PCDHGB4: variants seen among roughly 807,000 people sequenced by gnomAD.
The protein encoded by PCDHGB4 is protocadherin gamma subfamily B, 4.
In PCDHGB4, 38 loss-of-function variants were observed where a neutral mutation model predicts 60.5. The observed-to-expected ratio is 0.63, with a 90% CI of 0.48 to 0.82. The LOEUF (loss-of-function observed/expected upper bound fraction) is 0.82, where lower values mean the gene tolerates loss of function less well. Among genes scored for constraint, PCDHGB4 ranks in the 40% least tolerant of loss-of-function variants. The probability of loss-of-function intolerance (pLI) is 0.00; values close to 1 mark genes in which losing one functional copy is unlikely to be tolerated. For synonymous variants in PCDHGB4, 456 were observed against 509.7 expected, an observed-to-expected ratio of 0.89 and a Z score of 1.42; for missense variants, 1,109 against 1,209.6, an observed-to-expected ratio of 0.92 and a Z score of 1.23.
chr5:141,398,266 G>C, intron 1 of PCDHGB4: 1 of 1,439,368 alleles, frequency 6.9e-7, no homozygotes, highest in Non-Finnish European at 9.5e-7. Flanking sequence ...GGGCTCCGTA[G>C]TGGGGAACCT....
At chr5:141,415,611 A>G in intron 1 of PCDHGB4, 1 of 1,613,152 alleles carries the variant, frequency 6.2e-7, no homozygotes, top group Non-Finnish European at 8.5e-7. Context: ...CATTGGTTCC[A>G]GTGAGTTTTA....
At chr5:141,419,204 GC>G (rs2096344015) in intron 1 of PCDHGB4, 9 of 1,613,916 alleles carry the variant, frequency 5.6e-6, no homozygotes, top group Non-Finnish European at 7.6e-6. Context: ...CAATGACAAC[GC>G]GCCGGTTTTC....
At chr5:141,401,756 A>G (rs560146125) in intron 1 of PCDHGB4, among the ~76,000 whole-genome samples, 2 of 152,332 alleles carry the variant, frequency 1.3e-5, no homozygotes, top group African/African-American at 4.8e-5. Context: ...CTCCCATTAC[A>G]TGGTATAAGT....
chr5:141,486,444 T>G lies in PCDHGB4; in HGVS notation c.2398-8363T>G. 1 of 1,614,086 alleles carries G rather than the reference T, an allele frequency of 6.2e-7. No homozygotes were observed. Among genetic ancestry groups the G allele is most frequent in the Non-Finnish European group, 8.5e-7 (1 of 1,179,930 alleles). ...GAGGCCAAATCTAGCTATGACATCA[T>G]GGTCACTGCTTCTGATGCTGGGAAC... On this transcript the variant is annotated intron_variant, in intron 1 of 3. Coordinates refer to ENST00000519479, the MANE Select transcript of PCDHGB4 (RefSeq NM_003736.4). The surrounding 1 kb of genome is among the most constrained non-coding windows in gnomAD (Gnocchi z 5.0).
intron 1 of PCDHGB4, among the ~76,000 whole-genome samples, chr5:141,450,830 T>A (rs923422605): frequency 3.0e-5 from 3 of 101,548 alleles, no homozygotes; most frequent in African/African-American, 1.3e-4. Context: ...ATTATTATTA[T>A]TTTTTTTTTT....
In PCDHGB4 at chr5:141,477,279, C is replaced by T. The variant is rs2099408674; in HGVS notation, c.2398-17528C>T. ...GATGCTGGCGAGAACGGGCTGGTGA[C>T]CTGCGAAGTTCCACCGGGTCTCCCT... is the stretch of plus-strand genomic sequence containing the variant. On this transcript the variant is annotated intron_variant, in intron 1 of 3. Transcript: ENST00000519479. The surrounding 1 kb of genome is among the most constrained non-coding windows in gnomAD (Gnocchi z 4.9). 6.2e-7 allele frequency: 1 copy of T among 1,614,054 alleles called. No individual in the cohort carries two copies. Among genetic ancestry groups the T allele is most frequent in the Non-Finnish European group, 8.5e-7 (1 of 1,180,050 alleles).
chr5:141,390,366 A>G, intron 1 of PCDHGB4, 85 bp downstream of exon 1: 1 of 1,524,656 alleles, frequency 6.6e-7, no homozygotes, highest in Non-Finnish European at 8.9e-7. Flanking sequence ...TTGCAGGAAA[A>G]TATATAATTT....
At position 141,431,435 on chromosome 5, in the gene PCDHGB4, G is replaced by A. The variant is rs376827063; in HGVS notation, c.2397+41154G>A. ...GGGCGACCCGGTGCGCACAGGCACC[G>A]CGCGCATCCGCGTGATGGTTCTGGA... On this transcript the variant is annotated intron_variant, in intron 1 of 3. Coordinates refer to ENST00000519479, the MANE Select transcript of PCDHGB4 (RefSeq NM_003736.4). The surrounding 1 kb of genome is among the most constrained non-coding windows in gnomAD (Gnocchi z 4.8). 2.5e-6 allele frequency: 4 copies of A among 1,613,550 alleles called. No homozygotes were observed. Among genetic ancestry groups the A allele is most frequent in the Non-Finnish European group, 3.4e-6 (4 of 1,180,034 alleles).
At chr5:141,419,642 G>A (rs376762490) in intron 1 of PCDHGB4, 1 of 1,612,412 alleles carries the variant, frequency 6.2e-7, no homozygotes, top group African/African-American at 1.3e-5. Context: ...GGTGGCCGTG[G>A]ACGCGGACTC....
chr5:141,397,988 C>A, intron 1 of PCDHGB4: 2 of 1,327,490 alleles, frequency 1.5e-6, no homozygotes, highest in Non-Finnish European at 1.0e-6. Flanking sequence ...CTTTACACCG[C>A]TTCCTCCTCG....
chr5:141,403,069 A>T (rs747569947), intron 1 of PCDHGB4: 10 of 1,613,954 alleles, frequency 6.2e-6, no homozygotes, highest in Non-Finnish European at 7.6e-6. Context: ...CTGAAGAGAC[A>T]GAAAAGGGCT....
rs1375291090 is a variant in PCDHGB4, at chr5:141,392,672, T to A, written c.2397+2391T>A. 5.7e-6 allele frequency: 5 copies of A among 880,364 alleles called. No homozygotes were observed. In the Admixed American group the frequency reaches 1.3e-4, roughly 22 times the overall value. 54.5% of individuals were successfully genotyped at this position (880,364 alleles called of 1,614,324 possible). A position where few individuals can be genotyped will look rare whatever the true frequency, so the allele number is the denominator to read the frequency against. Reference sequence around the variant, plus strand: ...CCCGCAGATGCCACAAACTAACTGCTGGACTGCAGCGAAACCCGACCCCTG... The same window carrying A: ...CCCGCAGATGCCACAAACTAACTGCAGGACTGCAGCGAAACCCGACCCCTG... On this transcript the variant is annotated intron_variant, in intron 1 of 3. Transcript: ENST00000519479.
Position 141,485,182 on chromosome 5 carries a change from C to A in PCDHGB4, c.2398-9625C>A. 6.2e-7 allele frequency: 1 copy of A among 1,613,070 alleles called. No individual in the cohort carries two copies. The highest frequency in any genetic ancestry group is 8.5e-7 in the Non-Finnish European group (1 of 1,179,154). On this transcript the variant is annotated intron_variant, in intron 1 of 3. Coordinates refer to ENST00000519479, the MANE Select transcript of PCDHGB4 (RefSeq NM_003736.4). This position sits in a 1 kb window ranked among gnomAD's most constrained non-coding sequence, Gnocchi z 5.7. ...ATTAGCGGGCGGCAGCAATGCTCCG[C>A]AAGGTGAGAAGCTGGACAGAAATCT...
Position 141,490,710 on chromosome 5 carries a change from C to G in PCDHGB4, c.2398-4097C>G, listed in dbSNP as rs1158575765. On this transcript the variant is annotated intron_variant, in intron 1 of 3. Coordinates refer to ENST00000519479, the MANE Select transcript of PCDHGB4 (RefSeq NM_003736.4). The surrounding 1 kb of genome is among the most constrained non-coding windows in gnomAD (Gnocchi z 5.4). ...ACACTGGGGATAATGCCCGCCTCAC[C>G]TACTCCATTGTAGGAAATCAGGTTC... 6.2e-7 allele frequency: 1 copy of G among 1,614,208 alleles called. No homozygotes were observed. The highest frequency in any genetic ancestry group is 8.5e-7 in the Non-Finnish European group (1 of 1,180,030).
At chr5:141,452,895 A>G (rs527695680) in intron 1 of PCDHGB4, among the ~76,000 whole-genome samples, 16 of 152,312 alleles carry the variant, frequency 1.1e-4, no homozygotes, top group African/African-American at 3.6e-4. Flanking sequence ...TTCCACTTTT[A>G]TTAGTTGGCA....
chr5:141,433,850 A>C (rs899643386), intron 1 of PCDHGB4, among the ~76,000 whole-genome samples: 2 of 151,896 alleles, frequency 1.3e-5, no homozygotes, highest in East Asian at 3.9e-4. Flanking sequence ...AAAAAAAAAA[A>C]AAAAACTTTA....
Position 141,410,405 on chromosome 5 carries a change from T to C in PCDHGB4, c.2397+20124T>C, listed in dbSNP as rs777544150. ...CTTCCATCCTGGTCTCTGTGTCAAGTCTGGACCTGTAGTTCCCCCCAACTA... is the reference window on the plus strand; with the variant it reads ...CTTCCATCCTGGTCTCTGTGTCAAGCCTGGACCTGTAGTTCCCCCCAACTA... On this transcript the variant is annotated intron_variant, in intron 1 of 3. Transcript: ENST00000519479. 2.2e-5 allele frequency: 35 copies of C among 1,613,948 alleles called. 1 individual carries two copies. In the East Asian group the frequency reaches 7.8e-4, roughly 36 times the overall value.
chr5:141,488,437 C>A (rs1327345486), intron 1 of PCDHGB4, among the ~76,000 whole-genome samples: 2 of 152,210 alleles, frequency 1.3e-5, no homozygotes, highest in Non-Finnish European at 2.9e-5. Context: ...CCTCTGACCA[C>A]CCTCCTGGGT....
intron 1 of PCDHGB4, chr5:141,422,813 TAGAACTG>T: frequency 6.2e-7 from 1 of 1,614,192 alleles, no homozygotes; most frequent in Non-Finnish European, 8.5e-7. Flanking sequence ...TTTCGAGACT[TAGAACTG>T]AGAGTGATAG....
Sources: gnomAD v4.1 joint callset for allele counts (sites outside exome capture counted in the v4.1 genomes callset) on GRCh38, gnomAD v4.1.1 for gene constraint, Gnocchi (gnomAD v3.1) non-coding constraint, MANE v1.5 for transcripts, NCBI Gene and HGNC (gene_info 2026-07-23, HGNC 2026-07-21) for gene names.